BANK1: variants seen among roughly 807,000 people sequenced by gnomAD.
The protein encoded by BANK1 is B-cell scaffold protein with ankyrin repeats.
BANK1 carries 95 observed loss-of-function variants against 94.5 expected under a neutral mutation model. The observed-to-expected ratio is 1.00, with a 90% confidence interval of 0.85 to 1.19. The LOEUF (loss-of-function observed/expected upper bound fraction) is 1.19, where lower values mean the gene tolerates loss of function less well. BANK1 is among the 50% of genes most tolerant of loss of function. The pLI is 0.00. For missense variants in BANK1, 987 were observed against 932.2 expected (o/e 1.06, Z -0.77); for synonymous variants, 334 against 308.4 (o/e 1.08, Z -0.87).
chr4:101,977,068 C>G (rs1159438621), intron 7 of BANK1: 1 of 152,038 alleles, frequency 6.6e-6, no homozygotes, highest in Non-Finnish European at 1.5e-5. Flanking sequence ...TCCCTGAATT[C>G]CAAGAGATGC....
chr4:102,018,077 C>G (rs1185110550), intron 7 of BANK1, among the ~76,000 whole-genome samples: 1 of 152,114 alleles, frequency 6.6e-6, no homozygotes, highest in Non-Finnish European at 1.5e-5. Flanking sequence ...AGAACTAAGA[C>G]ATTACTCTCC....
chr4:102,042,659 C>T (rs985223513), intron 10 of BANK1, among the ~76,000 whole-genome samples: 3 of 151,952 alleles, frequency 2.0e-5, no homozygotes, highest in African/African-American at 7.3e-5. Flanking sequence ...GGATAACTGT[C>T]GGGATGTTTC....
At chr4:102,067,449 A>G (rs939759674) in intron 13 of BANK1, among the ~76,000 whole-genome samples, 3 of 152,082 alleles carry the variant, frequency 2.0e-5, no homozygotes, top group African/African-American at 7.2e-5. Flanking sequence ...ATAGTTTGAA[A>G]GTAAAGTATG....
Position 102,044,197 on chromosome 4 carries a change from A to G in BANK1, c.1969+290A>G, listed in dbSNP as rs193003878. On this transcript the variant is annotated intron_variant, in intron 11 of 16. Transcript: ENST00000322953. ...CCCTCCCCACTCCCCTCACCCCACA[A>G]CAGTCCCCAGAGTGTGATATTCCCC... Among the ~76,000 whole-genome samples the G allele has an allele frequency of 2.6e-3, 399 of 152,060 alleles. 2 individuals carry two copies. Among genetic ancestry groups the G allele is most frequent in the Middle Eastern group, 6.8e-3 (2 of 294 alleles).
At chr4:102,057,056 A>C (rs1443935127) in intron 11 of BANK1, among the ~76,000 whole-genome samples, 1 of 152,124 alleles carries the variant, frequency 6.6e-6, no homozygotes, top group Non-Finnish European at 1.5e-5. Flanking sequence ...ATCTCAAAGA[A>C]TATATGCAAC....
rs1723473607 is a variant in BANK1, at chr4:101,934,803, C to T, written c.1206+16614C>T. On this transcript the variant is annotated intron_variant, in intron 7 of 16. Transcript: ENST00000322953. Reference sequence around the variant, plus strand: ...CTAATGCCATTTCAAAACACTTTTACTAGGAGGAATTCTTTTGAATTTCAT... The same window carrying T: ...CTAATGCCATTTCAAAACACTTTTATTAGGAGGAATTCTTTTGAATTTCAT... 2.0e-5 allele frequency among the ~76,000 whole-genome samples: 3 copies of T among 151,640 alleles called. No individual in the cohort carries two copies. In the South Asian group the frequency reaches 6.2e-4, roughly 31 times the overall value.
At chr4:101,856,645 CA>C (rs1727690737) in intron 3 of BANK1, among the ~76,000 whole-genome samples, 1 of 152,004 alleles carries the variant, frequency 6.6e-6, no homozygotes, top group African/African-American at 2.4e-5. Flanking sequence ...ACTAAATTTT[CA>C]AAGAAATCAG....
chr4:101,905,359 A>G (rs1285713799), intron 6 of BANK1, among the ~76,000 whole-genome samples: 1 of 152,144 alleles, frequency 6.6e-6, no homozygotes, highest in Non-Finnish European at 1.5e-5. Flanking sequence ...GGGGACAGAC[A>G]TTGCACGGGA....
intron 1 of BANK1, among the ~76,000 whole-genome samples, chr4:101,814,715 A>T (rs1198369580): frequency 6.6e-6 from 1 of 152,200 alleles, no homozygotes; most frequent in East Asian, 1.9e-4. Flanking sequence ...CAAGTCTCTT[A>T]AACTTTCTAG....
intron 7 of BANK1, among the ~76,000 whole-genome samples, chr4:102,014,953 C>T (rs769420780): frequency 6.6e-6 from 1 of 152,130 alleles, no homozygotes; most frequent in Non-Finnish European, 1.5e-5. Context: ...CTTTTAGCTT[C>T]AACCTTTGAC....
intron 6 of BANK1, among the ~76,000 whole-genome samples, chr4:101,901,143 C>A (rs910387597): frequency 6.6e-5 from 10 of 152,130 alleles, no homozygotes; most frequent in Admixed American, 6.5e-4. Flanking sequence ...CTAGGTACTC[C>A]CAATTCTTTG....
chr4:101,982,411 C>T (rs1725352128), intron 7 of BANK1, among the ~76,000 whole-genome samples: 1 of 151,870 alleles, frequency 6.6e-6, no homozygotes, highest in African/African-American at 2.4e-5. Context: ...AAATGCCTAT[C>T]ATTATGAAGT....
intron 2 of BANK1, among the ~76,000 whole-genome samples, chr4:101,833,663 G>C (rs968518226): frequency 1.3e-5 from 2 of 152,110 alleles, no homozygotes; most frequent in African/African-American, 4.8e-5. Flanking sequence ...ACACCCTCAT[G>C]CTGTATCATC....
chr4:101,811,331 G>C (rs1261884385), intron 1 of BANK1, among the ~76,000 whole-genome samples: 2 of 151,956 alleles, frequency 1.3e-5, no homozygotes, highest in African/African-American at 4.8e-5. Context: ...ACCCTGGTAG[G>C]GAATTTTTTT....
At chr4:102,028,123 T>C (rs1027303386) in intron 9 of BANK1, among the ~76,000 whole-genome samples, 3 of 152,144 alleles carry the variant, frequency 2.0e-5, no homozygotes, top group African/African-American at 7.2e-5. Context: ...AGCCCAACTT[T>C]AGAAATGTTG....
intron 5 of BANK1, among the ~76,000 whole-genome samples, chr4:101,890,640 A>C (rs1157275604): frequency 6.7e-6 from 1 of 149,134 alleles, no homozygotes; most frequent in African/African-American, 2.4e-5. Context: ...AATTATTATT[A>C]TAAAGAGAAC....
intron 8 of BANK1, among the ~76,000 whole-genome samples, chr4:102,023,956 A>C (rs1017820444): frequency 6.6e-6 from 1 of 152,198 alleles, no homozygotes; most frequent in Non-Finnish European, 1.5e-5. Flanking sequence ...GGATAGAAAA[A>C]TGAATGAGAT....
intron 5 of BANK1, among the ~76,000 whole-genome samples, chr4:101,891,076 T>TA (rs1441972299): frequency 6.6e-6 from 1 of 152,108 alleles, no homozygotes; most frequent in African/African-American, 2.4e-5. Flanking sequence ...CTATCATACT[T>TA]ACCTATACTT....
chr4:101,918,101 A>C lies in BANK1; in HGVS notation c.1118A>C (p.Lys373Thr). ...LQCSGATWAS[K>T]MKNMEGSDPA... ...TGTTCAGGAGCAACCTGGGCATCTAAGATGAAAAATATGGAGGGTTCAGAC... is the reference window on the plus strand; with the variant it reads ...TGTTCAGGAGCAACCTGGGCATCTACGATGAAAAATATGGAGGGTTCAGAC... The change falls in exon 7 of 17, where the codon AAG (lysine) becomes ACG (threonine). Residue 373 changes from lysine to threonine, a missense_variant. Transcript: ENST00000322953. The C allele has an allele frequency of 6.2e-7, 1 of 1,612,428 alleles. No individual in the cohort carries two copies. Among genetic ancestry groups the C allele is most frequent in the Non-Finnish European group, 8.5e-7 (1 of 1,178,940 alleles).
Sources: allele counts gnomAD v4.1 joint callset (sites outside exome capture counted in the v4.1 genomes callset), GRCh38; gene constraint gnomAD v4.1.1; transcripts MANE v1.5; gene names NCBI Gene and HGNC (gene_info 2026-07-23, HGNC 2026-07-21).